The following FAM184B variants were observed in gnomAD, a reference collection of about 807,000 sequenced individuals.
FAM184B encodes family with sequence similarity 184 member B.
In FAM184B, 111 loss-of-function variants were observed where a neutral mutation model predicts 135.9. The observed-to-expected ratio is 0.82, with a 90% CI of 0.70 to 0.96. The LOEUF is 0.96. Ranked by LOEUF, FAM184B falls within the 40% of genes least tolerant of loss-of-function variation. The pLI is 0.00. For missense variants in FAM184B, 1,375 were observed against 1,323.9 expected, an observed-to-expected ratio of 1.04 and a Z score of -0.60; for synonymous variants, 552 against 524.8, an observed-to-expected ratio of 1.05 and a Z score of -0.71.
chr4:17,656,414 T>C (rs1368209048), intron 10 of FAM184B, among the ~76,000 whole-genome samples: 1 of 152,208 alleles, frequency 6.6e-6, no homozygotes, highest in Non-Finnish European at 1.5e-5. Context: ...TTTTTTGCTT[T>C]GTTTTGAGAC....
At chr4:17,647,564 T>C (rs1286081438) in intron 12 of FAM184B, 73 bp downstream of exon 12, 2 of 1,486,390 alleles carry the variant, frequency 1.3e-6, no homozygotes, top group Non-Finnish European at 1.8e-6. Flanking sequence ...GCCCATCCTT[T>C]ATGGGGCTTC....
intron 12 of FAM184B, among the ~76,000 whole-genome samples, chr4:17,646,745 AAAG>A (rs1200919272): frequency 2.0e-5 from 3 of 152,176 alleles, no homozygotes; most frequent in African/African-American, 4.8e-5. Context: ...TAAAAAAAGA[AAAG>A]AAAGTGATGC....
intron 13 of FAM184B, among the ~76,000 whole-genome samples, chr4:17,641,343 C>G (rs1169813971): frequency 6.6e-6 from 1 of 152,020 alleles, no homozygotes; most frequent in Non-Finnish European, 1.5e-5. Context: ...AAGAAGACAC[C>G]GCATGGTCTG....
At chr4:17,748,585 C>T (rs998370070) in intron 1 of FAM184B, among the ~76,000 whole-genome samples, 4 of 144,462 alleles carry the variant, frequency 2.8e-5, no homozygotes, top group Non-Finnish European at 4.5e-5. Flanking sequence ...GTGGTGATCT[C>T]GGCCCACTGT....
At chr4:17,704,575 G>A (rs1717063698) in intron 5 of FAM184B, among the ~76,000 whole-genome samples, 1 of 152,156 alleles carries the variant, frequency 6.6e-6, no homozygotes, top group Admixed American at 6.5e-5. Flanking sequence ...CCCTCTGTGG[G>A]GGCCCAGGTT....
intron 7 of FAM184B, among the ~76,000 whole-genome samples, chr4:17,675,007 A>G (rs190224541): frequency 9.2e-5 from 14 of 152,324 alleles, no homozygotes; most frequent in African/African-American, 3.4e-4. Context: ...ATCTCCTCCC[A>G]TAAATCATGA....
intron 13 of FAM184B, among the ~76,000 whole-genome samples, chr4:17,641,609 A>AC (rs1353412412): frequency 1.5e-5 from 2 of 129,760 alleles, no homozygotes; most frequent in Non-Finnish European, 3.1e-5. Context: ...CTCCCGAATA[A>AC]CTGGGATTAC....
intron 5 of FAM184B, among the ~76,000 whole-genome samples, chr4:17,694,367 C>T (rs1363621861): frequency 6.6e-6 from 1 of 151,950 alleles, no homozygotes; most frequent in Non-Finnish European, 1.5e-5. Context: ...ACTAAAAATA[C>T]AAAAAACTAG....
Position 17,707,697 on chromosome 4 carries a change from CAACA to C in FAM184B, c.978_981del (p.Val327ProfsTer5). ...TCCTGCAGCATCATTCTGTCTTTGGCAACAGCCAGCTTCTCCCCAAGTTTTTTTG... is the reference window on the plus strand; with the variant it reads ...TCCTGCAGCATCATTCTGTCTTTGGCGCCAGCTTCTCCCCAAGTTTTTTTG... On this transcript the variant is annotated frameshift_variant, in exon 3 of 18. Coordinates refer to ENST00000265018, the MANE Select transcript of FAM184B (RefSeq NM_015688.2). LOFTEE classifies it high-confidence loss of function. 6.4e-7 allele frequency: 1 copy of C among 1,551,816 alleles called. No individual in the cohort carries two copies. The highest frequency in any genetic ancestry group is 8.7e-7 in the Non-Finnish European group (1 of 1,147,016).
At chr4:17,649,834 A>G (rs934671495) in intron 11 of FAM184B, among the ~76,000 whole-genome samples, 3 of 151,490 alleles carry the variant, frequency 2.0e-5, no homozygotes, top group African/African-American at 7.3e-5. Flanking sequence ...CCACCTGTCC[A>G]TCCATCCACC....
intron 1 of FAM184B, among the ~76,000 whole-genome samples, chr4:17,734,573 T>C (rs1392615377): frequency 6.6e-6 from 1 of 151,900 alleles, no homozygotes; most frequent in East Asian, 1.9e-4. Flanking sequence ...AAAAAACACA[T>C]GCAAAAATGC....
At position 17,705,132 on chromosome 4, in the gene FAM184B, A is replaced by T. The variant is rs752351555; in HGVS notation, c.1245T>A (p.His415Gln). The T allele has an allele frequency of 1.3e-6, 2 of 1,551,670 alleles. No homozygotes were observed. The highest frequency in any genetic ancestry group is 2.4e-5 in the South Asian group (2 of 84,054). ...GATGTTTCTTCTCCTCTTCTGTCTG[A>T]TGTTTGATTTTACGAAGGTCTTCTT... ...QYEEDLRKIK[H>Q]QTEEEKKHLK... Residue 415 changes from histidine to glutamine, a missense_variant, in exon 5 of 18, where the codon CAT (histidine) becomes CAA (glutamine). Coordinates refer to ENST00000265018, the MANE Select transcript of FAM184B (RefSeq NM_015688.2).
intron 1 of FAM184B, among the ~76,000 whole-genome samples, chr4:17,765,840 G>A (rs570227135): frequency 6.6e-6 from 1 of 152,292 alleles, no homozygotes; most frequent in East Asian, 1.9e-4. Context: ...GATGTGTTCT[G>A]AGTTTCTTCC....
intron 1 of FAM184B, among the ~76,000 whole-genome samples, chr4:17,746,274 C>T (rs1324633137): frequency 6.6e-6 from 1 of 151,292 alleles, no homozygotes; most frequent in African/African-American, 2.4e-5. Flanking sequence ...AAAAAACTTT[C>T]CTGTTGGTGA....
chr4:17,710,503 T>C (rs1717242198), intron 1 of FAM184B, among the ~76,000 whole-genome samples: 1 of 152,134 alleles, frequency 6.6e-6, no homozygotes, highest in Non-Finnish European at 1.5e-5. Context: ...CATCTTTGCA[T>C]GATAAAAAAC....
At chr4:17,724,431 GA>G (rs1717597490) in intron 1 of FAM184B, among the ~76,000 whole-genome samples, 1 of 152,214 alleles carries the variant, frequency 6.6e-6, no homozygotes, top group South Asian at 2.1e-4. Context: ...TCCTGACAAG[GA>G]AGGGCCAAGT....
chr4:17,655,990 T>C (rs1281123469), intron 10 of FAM184B, among the ~76,000 whole-genome samples: 1 of 152,150 alleles, frequency 6.6e-6, no homozygotes, highest in African/African-American at 2.4e-5. Flanking sequence ...AAATGGCAGA[T>C]CCAGGACTTG....
In FAM184B at chr4:17,709,087, C is replaced by A. The variant is rs75377084; in HGVS notation, c.699G>T (p.Arg233=). 6.5e-7 allele frequency: 1 copy of A among 1,549,872 alleles called. No homozygotes were observed. The highest frequency in any genetic ancestry group is 1.4e-5 in the African/African-American group (1 of 73,164). ...GGCTCACCGACTGCTGCATGGCCTG[C>A]CGGATGGCCTCGTTTTCCCTCTCGT... is the stretch of plus-strand genomic sequence containing the variant. ...ATYERENEAI[R]QAMQQSVSQA... The change falls in exon 2 of 18, where the codon CGG becomes CGT. Residue 233 remains arginine (R), a synonymous_variant. Coordinates refer to ENST00000265018, the MANE Select transcript of FAM184B (RefSeq NM_015688.2).
chr4:17,633,566 T>TA, intron 17 of FAM184B, 123 bp downstream of exon 17: 1 of 880,706 alleles, frequency 1.1e-6, no homozygotes, highest in Non-Finnish European at 1.7e-6. Flanking sequence ...CAGTGTCCCT[T>TA]GTCTAATCAT....
Sources: gnomAD v4.1 joint callset for allele counts (sites outside exome capture counted in the v4.1 genomes callset) on GRCh38, gnomAD v4.1.1 for gene constraint, MANE v1.5 for transcripts, NCBI Gene and HGNC (gene_info 2026-07-23, HGNC 2026-07-21) for gene names.